Variants in FNDC3A observed in about 807,000 individuals in gnomAD.
FNDC3A encodes the protein fibronectin type-III domain-containing protein 3A.
In FNDC3A, 32 loss-of-function variants were observed where a neutral mutation model predicts 148.9. The observed-to-expected ratio is 0.21, with a 90% confidence interval of 0.16 to 0.29. The LOEUF is 0.29. Ranked by LOEUF, FNDC3A falls within the 10% of genes least tolerant of loss-of-function variation. The pLI is 1.00. For synonymous variants in FNDC3A, 472 were observed against 473.6 expected (o/e 1.00, Z 0.04); for missense variants, 1,191 against 1,452.8 (o/e 0.82, Z 2.93).
intron 1 of FNDC3A, among the ~76,000 whole-genome samples, chr13:48,986,878 T>C (rs1262494743): frequency 6.6e-6 from 1 of 152,198 alleles, no homozygotes; most frequent in African/African-American, 2.4e-5. Context: ...TACTTGATTT[T>C]ATTATGATAA....
chr13:49,166,411 G>A (rs1023192291), intron 8 of FNDC3A, among the ~76,000 whole-genome samples: 4 of 152,290 alleles, frequency 2.6e-5, no homozygotes, highest in South Asian at 4.1e-4. Context: ...CCAGACATGT[G>A]GAGATGTGGG....
chr13:49,199,226 G>A (rs961205646), intron 23 of FNDC3A, among the ~76,000 whole-genome samples: 3 of 151,750 alleles, frequency 2.0e-5, no homozygotes, highest in South Asian at 4.1e-4. Context: ...TCACCATGTC[G>A]CTCACACTGG....
At chr13:49,189,049 T>G (rs1237545000) in intron 17 of FNDC3A, among the ~76,000 whole-genome samples, 1 of 152,222 alleles carries the variant, frequency 6.6e-6, no homozygotes, top group South Asian at 2.1e-4. Context: ...ATTTACTTAC[T>G]TCAAAAAAGT....
At chr13:49,196,486 C>T (rs987607898) in intron 19 of FNDC3A, among the ~76,000 whole-genome samples, 2 of 151,996 alleles carry the variant, frequency 1.3e-5, no homozygotes, top group Non-Finnish European at 2.9e-5. Context: ...AAGAAAGATT[C>T]GTGAAGTATT....
chr13:49,166,375 T>TG (rs1475826592), intron 8 of FNDC3A, among the ~76,000 whole-genome samples: 1 of 152,144 alleles, frequency 6.6e-6, no homozygotes, highest in Non-Finnish European at 1.5e-5. Context: ...AGTGGTGGCC[T>TG]GTGGGTAGGA....
intron 2 of FNDC3A, among the ~76,000 whole-genome samples, chr13:49,037,569 C>G (rs181638514): frequency 6.6e-6 from 1 of 152,144 alleles, no homozygotes; most frequent in Non-Finnish European, 1.5e-5. Flanking sequence ...ATGTCCACCC[C>G]CTACCCCCTG....
intron 2 of FNDC3A, among the ~76,000 whole-genome samples, chr13:49,023,113 G>A (rs550096354): frequency 5.7e-4 from 87 of 151,972 alleles, no homozygotes; most frequent in Non-Finnish European, 1.0e-3. Flanking sequence ...CAAATTGGGT[G>A]TAAATTTTAA....
chr13:49,017,872 G>T (rs1282205249), intron 2 of FNDC3A, among the ~76,000 whole-genome samples: 1 of 151,944 alleles, frequency 6.6e-6, no homozygotes, highest in Non-Finnish European at 1.5e-5. Flanking sequence ...GCTTAGTTTG[G>T]CTGGATATGA....
chr13:49,130,801 C>T (rs1881982868), intron 4 of FNDC3A, among the ~76,000 whole-genome samples: 1 of 152,088 alleles, frequency 6.6e-6, no homozygotes, highest in South Asian at 2.1e-4. Flanking sequence ...CAGAGTCTTG[C>T]TCTGTTGCCC....
intron 2 of FNDC3A, among the ~76,000 whole-genome samples, chr13:49,020,052 G>C (rs748684485): frequency 2.0e-5 from 3 of 152,150 alleles, no homozygotes; most frequent in African/African-American, 7.2e-5. Flanking sequence ...GAGGTAATCT[G>C]TGTATATTTG....
At chr13:49,126,957 A>T (rs1881737181) in intron 4 of FNDC3A, among the ~76,000 whole-genome samples, 1 of 152,196 alleles carries the variant, frequency 6.6e-6, no homozygotes, top group Non-Finnish European at 1.5e-5. Flanking sequence ...GTACCTAGGG[A>T]AGAGTTCATG....
At chr13:49,045,740 T>C (rs1005128020) in intron 2 of FNDC3A, 1 of 913,316 alleles carries the variant, frequency 1.1e-6, no homozygotes, top group Non-Finnish European at 1.7e-6. Context: ...TGTCAGGATG[T>C]TTTCTTTGTT....
intron 1 of FNDC3A, among the ~76,000 whole-genome samples, chr13:48,977,518 C>T (rs1774108261): frequency 6.6e-6 from 1 of 152,190 alleles, no homozygotes; most frequent in African/African-American, 2.4e-5. Context: ...GTGTCACCCA[C>T]AAATGTTCAA....
chr13:49,087,597 A>G (rs969942672), intron 3 of FNDC3A, among the ~76,000 whole-genome samples: 20 of 152,270 alleles, frequency 1.3e-4, no homozygotes, highest in African/African-American at 4.8e-4. Context: ...TTTAAAGACA[A>G]GAAAAATGAA....
At chr13:49,096,903 G>GA (rs1466322137) in intron 3 of FNDC3A, among the ~76,000 whole-genome samples, 3 of 151,768 alleles carry the variant, frequency 2.0e-5, no homozygotes, top group Admixed American at 2.0e-4. Context: ...TTAGCCAGAA[G>GA]AAAAAAATAA....
chr13:49,026,322 A>G (rs185502274), intron 2 of FNDC3A, among the ~76,000 whole-genome samples: 3 of 152,224 alleles, frequency 2.0e-5, no homozygotes, highest in Non-Finnish European at 2.9e-5. Flanking sequence ...TAATAAAATT[A>G]TATTTCTTTT....
At chr13:49,061,332 CCCTTCCCTTCCCTTCCCTTCCCTTA>C (rs796708346) in intron 2 of FNDC3A, among the ~76,000 whole-genome samples, 499 of 3,200 alleles carry the variant, frequency 0.16, 76 homozygotes, top group African/African-American at 0.26. Flanking sequence ...CCCTTCCCTT[CCCTTCCCTTCCCTTCCCTTCCCTTA>C]CCTTCCCTTC....
intron 1 of FNDC3A, among the ~76,000 whole-genome samples, chr13:49,005,148 ATAG>A (rs1952198198): frequency 6.6e-6 from 1 of 151,898 alleles, no homozygotes; most frequent in African/African-American, 2.4e-5. Flanking sequence ...TTAAAACATC[ATAG>A]TAGTTGTTAT....
At position 49,209,181 on chromosome 13, in the gene FNDC3A, T is replaced by C. The variant is rs1886785818; in HGVS notation, c.*1786T>C. The stretch of plus-strand genomic sequence containing the variant: ...TGCCACATTTGGCAGTACAAATGAG[T>C]CTGAGTGTAATAGCCCAGAGATTTA... On this transcript the variant is annotated 3_prime_UTR_variant, in exon 26 of 26. Coordinates refer to ENST00000492622, the MANE Select transcript of FNDC3A (RefSeq NM_001079673.2). 6.6e-6 allele frequency: 1 copy of C among 152,580 alleles called. No individual in the cohort carries two copies. The highest frequency in any genetic ancestry group is 2.1e-4 in the South Asian group (1 of 4,836). The allele number at this position is 152,580 out of a possible 1,614,324, so 9.5% of individuals were successfully genotyped here.
Sources: allele counts gnomAD v4.1 joint callset (sites outside exome capture counted in the v4.1 genomes callset), GRCh38; gene constraint gnomAD v4.1.1; transcripts MANE v1.5; gene names NCBI Gene and HGNC (gene_info 2026-07-23, HGNC 2026-07-21).